Variants in PARK7 observed in about 807,000 individuals in gnomAD.
PARK7 encodes the protein Parkinson disease protein 7.
In PARK7, 14 loss-of-function variants were observed where a neutral mutation model predicts 20.5. The ratio of observed to expected loss-of-function variants is 0.68; its 90% CI spans 0.45 to 1.07. The LOEUF is 1.07. Ranked by LOEUF, PARK7 falls within the 50% of genes least tolerant of loss-of-function variation. The pLI, the probability that PARK7 is intolerant of heterozygous loss-of-function variation, is 0.00. For synonymous variants in PARK7, 98 were observed against 84.3 expected, an observed-to-expected ratio of 1.16 and a Z score of -0.89; for missense variants, 234 against 238.1, an observed-to-expected ratio of 0.98 and a Z score of 0.11.
At chr1:7,970,211 G>A (rs1454670358) in intron 4 of PARK7, among the ~76,000 whole-genome samples, 1 of 152,036 alleles carries the variant, frequency 6.6e-6, no homozygotes, top group Non-Finnish European at 1.5e-5. Context: ...AAAAAAAAAT[G>A]TTGCCATGGA....
At chr1:7,962,189 T>C (rs1193833438) in intron 1 of PARK7, 1 of 153,332 alleles carries the variant, frequency 6.5e-6, no homozygotes, top group African/African-American at 2.4e-5. Flanking sequence ...TGTAGTTGGG[T>C]TGACTTCAGT....
chr1:7,977,856 T>G, intron 6 of PARK7, 118 bp downstream of exon 6: 5 of 788,852 alleles, frequency 6.3e-6, no homozygotes, highest in Non-Finnish European at 8.6e-6. Context: ...GCCTCCCGGG[T>G]TCAAGCGATT....
chr1:7,961,821 G>A (rs1200887798), intron 1 of PARK7, 28 bp downstream of exon 1: 2 of 152,824 alleles, frequency 1.3e-5, no homozygotes, highest in East Asian at 3.8e-4. Context: ...CGCGGCGCAT[G>A]TGTGGGCCGT....
intron 5 of PARK7, 130 bp downstream of exon 5, chr1:7,971,093 T>G: frequency 1.0e-6 from 1 of 998,804 alleles, no homozygotes; most frequent in South Asian, 1.3e-5. Context: ...TGTATTTAGT[T>G]TGGGTGGCAT....
intron 4 of PARK7, 59 bp downstream of exon 4, chr1:7,969,463 A>C: frequency 8.7e-7 from 1 of 1,155,028 alleles, no homozygotes; most frequent in Non-Finnish European, 1.3e-6. Context: ...AAACTAAAGA[A>C]TTTCAGCATC....
At chr1:7,971,303 A>G (rs1336894691) in intron 5 of PARK7, 4 of 380,872 alleles carry the variant, frequency 1.1e-5, no homozygotes, top group African/African-American at 4.2e-5. Context: ...ACAATCAGCA[A>G]AATCCATCAA....
intron 6 of PARK7, among the ~76,000 whole-genome samples, chr1:7,981,660 GTTTT>G (rs1245140194): frequency 7.3e-6 from 1 of 136,520 alleles, no homozygotes. Context: ...TGTGTCTTTT[GTTTT>G]TTTTTTTTTT....
At chr1:7,982,714 A>G (rs903838007) in intron 6 of PARK7, among the ~76,000 whole-genome samples, 2 of 152,204 alleles carry the variant, frequency 1.3e-5, no homozygotes, top group South Asian at 2.1e-4. Context: ...CTAGGTTAGC[A>G]TTTGAAATGG....
Position 7,979,851 on chromosome 1 carries a change from A to G in PARK7, c.409+2113A>G, listed in dbSNP as rs532950119. Among the ~76,000 whole-genome samples, 262 of 152,214 alleles carry G rather than the reference A, an allele frequency of 1.7e-3. 1 individual carries two copies. Among genetic ancestry groups the G allele is most frequent in the African/African-American group, 5.9e-3 (243 of 41,534 alleles). ...AAGATACTATGTTATCATTAAAACG[A>G]TCTGTTTGAAAATTGGTACTTTTTG... On this transcript the variant is annotated intron_variant, in intron 6 of 6. Transcript: ENST00000338639.
chr1:7,974,839 A>G (rs1397550318), intron 5 of PARK7, among the ~76,000 whole-genome samples: 4 of 148,648 alleles, frequency 2.7e-5, no homozygotes, highest in Non-Finnish European at 5.9e-5. Context: ...GGCAAACAGA[A>G]AAATAAGATT....
At chr1:7,964,326 TA>T (rs1276057229) in intron 2 of PARK7, among the ~76,000 whole-genome samples, 2 of 152,066 alleles carry the variant, frequency 1.3e-5, no homozygotes, top group South Asian at 4.1e-4. Flanking sequence ...CACAGAGACA[TA>T]AATAATGTAC....
rs550699007 is a variant in PARK7 at position 7,978,169 on chromosome 1, G to C, written c.409+431G>C. Among the ~76,000 whole-genome samples, 313 of 150,038 alleles carry C rather than the reference G, an allele frequency of 2.1e-3. 1 individual carries two copies. Among genetic ancestry groups the C allele is most frequent in the African/African-American group, 7.5e-3 (305 of 40,856 alleles). ...GCTCCACCACGCCTGGCTAATTTTTGTATTTTTTAGTAGAGATGGGGTTTC... is the reference window on the plus strand; with the variant it reads ...GCTCCACCACGCCTGGCTAATTTTTCTATTTTTTAGTAGAGATGGGGTTTC... On this transcript the variant is annotated intron_variant, in intron 6 of 6. Coordinates refer to ENST00000338639, the MANE Select transcript of PARK7 (RefSeq NM_007262.5).
intron 5 of PARK7, among the ~76,000 whole-genome samples, chr1:7,973,164 C>T (rs1417060691): frequency 6.6e-6 from 1 of 152,164 alleles, no homozygotes; most frequent in Admixed American, 6.5e-5. Flanking sequence ...CTGGGAAGAA[C>T]CACAGAGGTT....
At chr1:7,968,315 A>G (rs1640372320) in intron 3 of PARK7, among the ~76,000 whole-genome samples, 2 of 151,018 alleles carry the variant, frequency 1.3e-5, no homozygotes, top group South Asian at 4.2e-4. Context: ...AAAAAAAAAA[A>G]AAAGAAAAGA....
In PARK7 at chr1:7,985,043, C is replaced by T; in HGVS notation, c.559C>T (p.Leu187Phe). The part of the protein sequence containing the change: ...VAAQVKAPLV[L>F]KD ...GGCTCAAGTGAAGGCTCCACTTGTT[C>T]TTAAAGACTAGAGCAGCGAACTGCG... The change falls in exon 7 of 7, where the codon CTT becomes TTT. Residue 187 changes from leucine (L) to phenylalanine (F), a missense_variant. By Grantham distance (22) the Leu-to-Phe change is conservative. Coordinates refer to ENST00000338639, the MANE Select transcript of PARK7 (RefSeq NM_007262.5). The T allele has an allele frequency of 1.2e-6, 2 of 1,614,138 alleles. No homozygotes were observed. Among genetic ancestry groups the T allele is most frequent in the Middle Eastern group, 1.7e-4 (1 of 6,042 alleles).
At position 7,962,253 on chromosome 1, in the gene PARK7, C is replaced by T. The variant is rs571218628; in HGVS notation, c.-24+460C>T. ...AAAAAAAGTGTTCAGACATTTAACACTGTTGACCCCCACACACAATTTTTT... is the reference window on the plus strand; with the variant it reads ...AAAAAAAGTGTTCAGACATTTAACATTGTTGACCCCCACACACAATTTTTT... On this transcript the variant is annotated intron_variant, in intron 1 of 6. Transcript: ENST00000338639. Among the ~76,000 whole-genome samples, 314 of 152,278 alleles carry T rather than the reference C, an allele frequency of 2.1e-3. 1 individual carries two copies. Among genetic ancestry groups the T allele is most frequent in the Middle Eastern group, 3.4e-3 (1 of 294 alleles).
intron 3 of PARK7, among the ~76,000 whole-genome samples, chr1:7,967,665 TC>T (rs1313555291): frequency 6.6e-6 from 1 of 152,194 alleles, no homozygotes; most frequent in Non-Finnish European, 1.5e-5. Context: ...ACACCTGAAA[TC>T]CTAGCACTTT....
intron 6 of PARK7, 24 bp downstream of exon 6, chr1:7,977,762 T>C (rs969740477): frequency 1.9e-6 from 3 of 1,604,366 alleles, no homozygotes; most frequent in East Asian, 2.2e-5. Flanking sequence ...TGTTTTTGTT[T>C]GTTTGTTTGT....
chr1:7,982,442 C>T (rs571238055), intron 6 of PARK7, among the ~76,000 whole-genome samples: 1 of 152,172 alleles, frequency 6.6e-6, no homozygotes, highest in Non-Finnish European at 1.5e-5. Context: ...CGCACAGTGC[C>T]TTCCTGGTGC....
Sources: allele counts gnomAD v4.1 joint callset (sites outside exome capture counted in the v4.1 genomes callset), GRCh38; gene constraint gnomAD v4.1.1; transcripts MANE v1.5; gene names NCBI Gene and HGNC (gene_info 2026-07-23, HGNC 2026-07-21).